The following NTRK2 variants were observed in gnomAD, a reference collection of about 807,000 sequenced individuals.
The protein encoded by NTRK2 is neurotrophic receptor tyrosine kinase 2.
Under a neutral mutation model 94.5 loss-of-function variants are expected in NTRK2, and 13 were observed. That is an observed-to-expected ratio of 0.14 (90% confidence interval 0.09 to 0.22). NTRK2 has a LOEUF of 0.22. Among genes scored for constraint, NTRK2 ranks in the 10% least tolerant of loss-of-function variants. The pLI is 1.00. For missense variants in NTRK2, 639 were observed against 1,071.2 expected (o/e 0.60, Z 5.63); for synonymous variants, 372 against 407.4 (o/e 0.91, Z 1.05).
intron 16 of NTRK2, among the ~76,000 whole-genome samples, chr9:84,951,132 G>A (rs1464601386): frequency 2.0e-5 from 3 of 152,258 alleles, no homozygotes; most frequent in South Asian, 2.1e-4. Flanking sequence ...ATGGATCCAC[G>A]TGCAATTTAA....
chr9:84,789,967 G>A (rs574040690), intron 12 of NTRK2, among the ~76,000 whole-genome samples: 41 of 152,170 alleles, frequency 2.7e-4, no homozygotes, highest in African/African-American at 8.7e-4. Context: ...ATACCTTCTC[G>A]CTGGATTTTC....
At chr9:84,740,923 G>A (rs1246874523) in intron 9 of NTRK2, among the ~76,000 whole-genome samples, 2 of 152,200 alleles carry the variant, frequency 1.3e-5, no homozygotes, top group African/African-American at 2.4e-5. Flanking sequence ...GAAGTGAAAT[G>A]AAAACTGAGT....
intron 14 of NTRK2, chr9:84,872,163 T>G: frequency 1.7e-6 from 2 of 1,195,864 alleles, no homozygotes; most frequent in Non-Finnish European, 2.1e-6. Flanking sequence ...GAACACCACA[T>G]CACCTGACAG....
intron 14 of NTRK2, among the ~76,000 whole-genome samples, chr9:84,896,693 T>C (rs1268364507): frequency 6.6e-6 from 1 of 152,214 alleles, no homozygotes; most frequent in Non-Finnish European, 1.5e-5. Context: ...ACTGTACTTA[T>C]ACATAAATGA....
chr9:84,949,017 T>C (rs752842), intron 16 of NTRK2, among the ~76,000 whole-genome samples: 10,741 of 152,032 alleles, frequency 0.071, 719 homozygotes, highest in African/African-American at 0.18. Context: ...ACAATGGAAA[T>C]TGCAGTCCAG....
intron 12 of NTRK2, among the ~76,000 whole-genome samples, chr9:84,842,379 C>T (rs2074236761): frequency 6.6e-6 from 1 of 152,098 alleles, no homozygotes; most frequent in African/African-American, 2.4e-5. Flanking sequence ...GTTTTTAAGG[C>T]ACTATGTGAG....
chr9:84,821,661 C>A (rs2072844100), intron 12 of NTRK2, among the ~76,000 whole-genome samples: 1 of 152,174 alleles, frequency 6.6e-6, no homozygotes. Context: ...ATGCTTCCAT[C>A]CTTATTTATG....
At position 84,782,061 on chromosome 9, in the gene NTRK2, CACACACAA is replaced by C. The variant is rs1203658893; in HGVS notation, c.1396+29984_1396+29991del. On this transcript the variant is annotated intron_variant, in intron 12 of 18. Transcript: ENST00000277120. Reference sequence around the variant, plus strand: ...AAACACACACACACACACACACACACACACACAAACACACACACCCACAAACAAACACG... The same window carrying C: ...AAACACACACACACACACACACACACACACACACACCCACAAACAAACACG... Among the ~76,000 whole-genome samples, 20 of 113,400 alleles carry C rather than the reference CACACACAA, an allele frequency of 1.8e-4. 1 individual carries two copies. Among genetic ancestry groups the C allele is most frequent in the Non-Finnish European group, 8.2e-5 (4 of 49,046 alleles). 74.4% of individuals were successfully genotyped at this position (113,400 alleles called of 152,430 possible).
chr9:84,951,530 T>C (rs915423333), intron 16 of NTRK2, among the ~76,000 whole-genome samples: 11 of 151,088 alleles, frequency 7.3e-5, no homozygotes, highest in African/African-American at 2.7e-4. Flanking sequence ...TCACAGTGTG[T>C]CTGTACATAC....
Position 85,021,920 on chromosome 9 carries a change from A to G in NTRK2, c.*483A>G, listed in dbSNP as rs1832801073. 3 of 266,918 alleles carry G rather than the reference A, an allele frequency of 1.1e-5. No homozygotes were observed. The Admixed American group carries it at 1.4e-4, about 13-fold the overall frequency. The allele number at this position is 266,918 out of a possible 1,614,324, so 16.5% of individuals were successfully genotyped here. On this transcript the variant is annotated 3_prime_UTR_variant, in exon 19 of 19. Coordinates refer to ENST00000277120, the MANE Select transcript of NTRK2 (RefSeq NM_006180.6). ...AAGGGAAAACAAATATTTCACTTAAACTTTGTCACTTCTGCTGTACAGATA... is the reference window on the plus strand; with the variant it reads ...AAGGGAAAACAAATATTTCACTTAAGCTTTGTCACTTCTGCTGTACAGATA...
chr9:84,697,136 A>G (rs988991441), intron 2 of NTRK2, among the ~76,000 whole-genome samples: 1 of 152,196 alleles, frequency 6.6e-6, no homozygotes, highest in African/African-American at 2.4e-5. Flanking sequence ...CGAATTCACC[A>G]TGCCTCTTGG....
At chr9:84,811,882 G>C in intron 12 of NTRK2, 1 of 1,064,654 alleles carries the variant, frequency 9.4e-7, no homozygotes, top group Non-Finnish European at 1.1e-6. Flanking sequence ...CAGTATGCTT[G>C]TCCTGAAGAG....
At chr9:84,724,574 T>C (rs1367260128) in intron 8 of NTRK2, among the ~76,000 whole-genome samples, 1 of 152,240 alleles carries the variant, frequency 6.6e-6, no homozygotes, top group Non-Finnish European at 1.5e-5. Context: ...AGCTTCTTTT[T>C]CGATTTTGAG....
intron 2 of NTRK2, among the ~76,000 whole-genome samples, chr9:84,682,120 C>A (rs1300412872): frequency 6.6e-6 from 1 of 152,124 alleles, no homozygotes; most frequent in Non-Finnish European, 1.5e-5. Context: ...GTACTTTGGC[C>A]CAGACTTGTA....
At chr9:84,878,428 G>C (rs1457190060) in intron 14 of NTRK2, among the ~76,000 whole-genome samples, 1 of 151,892 alleles carries the variant, frequency 6.6e-6, no homozygotes, top group African/African-American at 2.4e-5. Context: ...GAAGTCAAGA[G>C]ATCAAGACCC....
At chr9:84,750,061 G>A (rs946880781) in intron 11 of NTRK2, among the ~76,000 whole-genome samples, 1 of 152,168 alleles carries the variant, frequency 6.6e-6, no homozygotes. Context: ...CAGAGATAAA[G>A]AGCACTGTGG....
chr9:84,769,788 A>G (rs1273666296), intron 12 of NTRK2, among the ~76,000 whole-genome samples: 1 of 152,208 alleles, frequency 6.6e-6, no homozygotes, highest in Non-Finnish European at 1.5e-5. Flanking sequence ...TGATGCCTGA[A>G]GGCAAACCTT....
At chr9:84,928,997 A>G (rs1279248285) in intron 14 of NTRK2, among the ~76,000 whole-genome samples, 2 of 152,222 alleles carry the variant, frequency 1.3e-5, no homozygotes, top group South Asian at 2.1e-4. Context: ...AAGAGTATCT[A>G]TGAAACCCCA....
chr9:84,841,820 C>T (rs1204678562), intron 12 of NTRK2, among the ~76,000 whole-genome samples: 1 of 152,144 alleles, frequency 6.6e-6, no homozygotes, highest in East Asian at 1.9e-4. Flanking sequence ...AAATTTTGGT[C>T]CATTTCTTCA....
Sources: gnomAD v4.1 joint callset for allele counts (sites outside exome capture counted in the v4.1 genomes callset) on GRCh38, gnomAD v4.1.1 for gene constraint, MANE v1.5 for transcripts, NCBI Gene and HGNC (gene_info 2026-07-23, HGNC 2026-07-21) for gene names.